Variants in GRIP1 observed in about 807,000 individuals in gnomAD.
GRIP1 encodes glutamate receptor interacting protein 1.
Under a neutral mutation model 129.9 loss-of-function variants are expected in GRIP1, and 45 were observed. That is an observed-to-expected ratio of 0.35 (90% CI 0.27 to 0.44). The LOEUF (loss-of-function observed/expected upper bound fraction) is 0.44, where lower values mean the gene tolerates loss of function less well. Among genes scored for constraint, GRIP1 ranks in the 20% least tolerant of loss-of-function variants. GRIP1 has a pLI of 1.00. For missense variants in GRIP1, 1,196 were observed against 1,396.8 expected, an observed-to-expected ratio of 0.86 and a Z score of 2.29; for synonymous variants, 530 against 520.8, an observed-to-expected ratio of 1.02 and a Z score of -0.24.
intron 15 of GRIP1, among the ~76,000 whole-genome samples, chr12:66,418,111 T>C (rs1450680272): frequency 6.6e-6 from 1 of 152,048 alleles, no homozygotes; most frequent in African/African-American, 2.4e-5. Context: ...TGGAACAGAA[T>C]AGAGAACCCA....
intron 1 of GRIP1, among the ~76,000 whole-genome samples, chr12:66,963,875 C>T (rs2041958110): frequency 6.6e-6 from 1 of 152,150 alleles, no homozygotes; most frequent in South Asian, 2.1e-4. Flanking sequence ...TACCTCCAAC[C>T]CAGACCCAAA....
At chr12:66,889,116 A>T (rs565105085) in intron 1 of GRIP1, among the ~76,000 whole-genome samples, 1 of 152,216 alleles carries the variant, frequency 6.6e-6, no homozygotes, top group African/African-American at 2.4e-5. Context: ...TCTCTATTGT[A>T]AGTCTAGTTG....
At chr12:66,503,621 C>A (rs540348030) in intron 7 of GRIP1, among the ~76,000 whole-genome samples, 1 of 152,160 alleles carries the variant, frequency 6.6e-6, no homozygotes, top group African/African-American at 2.4e-5. Context: ...AGGCAAGAAT[C>A]GAGGTTGCTG....
intron 1 of GRIP1, among the ~76,000 whole-genome samples, chr12:66,677,515 A>T (rs1294257101): frequency 6.6e-6 from 1 of 152,208 alleles, no homozygotes; most frequent in Non-Finnish European, 1.5e-5. Flanking sequence ...TCTCTTAGTC[A>T]TGATTTATAA....
chr12:66,380,969 A>G (rs577163024), intron 19 of GRIP1, among the ~76,000 whole-genome samples: 2 of 152,328 alleles, frequency 1.3e-5, no homozygotes, highest in East Asian at 3.9e-4. Context: ...TGATTGCGTA[A>G]GATGATTCTG....
chr12:66,378,325 G>C (rs2055914744), intron 20 of GRIP1, among the ~76,000 whole-genome samples: 1 of 152,186 alleles, frequency 6.6e-6, no homozygotes, highest in African/African-American at 2.4e-5. Context: ...GTTGGCAGGT[G>C]CCTGCAGTCC....
chr12:66,935,639 T>C (rs1446524266), intron 1 of GRIP1, among the ~76,000 whole-genome samples: 1 of 152,132 alleles, frequency 6.6e-6, no homozygotes, highest in Non-Finnish European at 1.5e-5. Context: ...GATTCACAAA[T>C]TGGGCAGCCC....
At position 66,465,423 on chromosome 12, in the gene GRIP1, C is replaced by T; in HGVS notation, c.725-1G>A. On this transcript the variant is annotated splice_acceptor_variant, in intron 7 of 24. Transcript: ENST00000359742. LOFTEE classifies it high-confidence loss of function. ...GGCCCGGATGCTGTTGCCACAGAGT[C>T]TGTCAAAGAACAAATTTTAGAAAAC... 1 of 1,613,122 alleles carries T rather than the reference C, an allele frequency of 6.2e-7. No individual in the cohort carries two copies. Among genetic ancestry groups the T allele is most frequent in the Non-Finnish European group, 8.5e-7 (1 of 1,179,116 alleles).
At chr12:66,411,336 C>T (rs1313626972) in intron 15 of GRIP1, among the ~76,000 whole-genome samples, 7 of 152,122 alleles carry the variant, frequency 4.6e-5, no homozygotes. Context: ...GGGATCCAGG[C>T]TTGGGGTCTG....
chr12:66,397,110 C>CAAAAAA (rs71436004), intron 16 of GRIP1, among the ~76,000 whole-genome samples: 14 of 60,166 alleles, frequency 2.3e-4, no homozygotes, highest in Non-Finnish European at 2.8e-4. Context: ...GACTCTGTCT[C>CAAAAAA]AAAAAAAAAA....
At chr12:66,678,486 A>G (rs1361671056) in intron 1 of GRIP1, among the ~76,000 whole-genome samples, 1 of 152,186 alleles carries the variant, frequency 6.6e-6, no homozygotes, top group Non-Finnish European at 1.5e-5. Context: ...TATGTATCAT[A>G]GAAAGGACAG....
chr12:66,956,811 C>T (rs915352055), intron 1 of GRIP1, among the ~76,000 whole-genome samples: 5 of 152,130 alleles, frequency 3.3e-5, no homozygotes, highest in African/African-American at 9.7e-5. Context: ...AAGGCCCCCT[C>T]GGCATACAGA....
intron 1 of GRIP1, among the ~76,000 whole-genome samples, chr12:66,944,354 C>CT (rs1302375705): frequency 6.6e-6 from 1 of 152,140 alleles, no homozygotes; most frequent in Non-Finnish European, 1.5e-5. Flanking sequence ...TACAAAAAGT[C>CT]TATCTTTTCA....
intron 1 of GRIP1, among the ~76,000 whole-genome samples, chr12:66,955,370 C>T (rs73333072): frequency 0.013 from 2,051 of 152,226 alleles, 37 homozygotes; most frequent in African/African-American, 0.047. Flanking sequence ...CTTTCTATCT[C>T]TAAAACTCCA....
intron 1 of GRIP1, among the ~76,000 whole-genome samples, chr12:66,675,200 G>A (rs556955713): frequency 6.6e-6 from 1 of 152,214 alleles, no homozygotes; most frequent in East Asian, 1.9e-4. Context: ...AGAGAGAGAG[G>A]GTGGGTGGCA....
At position 66,447,667 on chromosome 12, in the gene GRIP1, C is replaced by G. The variant is rs147198620; in HGVS notation, c.1355-2159G>C. 3.7e-3 allele frequency among the ~76,000 whole-genome samples: 570 copies of G among 152,030 alleles called. 3 individuals carry two copies. Among genetic ancestry groups the G allele is most frequent in the African/African-American group, 0.013 (541 of 41,440 alleles). ...CCCTTTTAGTGTTTTTAATACTATCCCTTTCCACCCCCCATGATTTTGTGC... is the reference window on the plus strand; with the variant it reads ...CCCTTTTAGTGTTTTTAATACTATCGCTTTCCACCCCCCATGATTTTGTGC... On this transcript the variant is annotated intron_variant, in intron 11 of 24. Coordinates refer to ENST00000359742, the MANE Select transcript of GRIP1 (RefSeq NM_001366722.1).
chr12:66,551,015 T>C (rs12424551), intron 2 of GRIP1, among the ~76,000 whole-genome samples: 35,214 of 152,216 alleles, frequency 0.23, 4,356 homozygotes, highest in Admixed American at 0.27. Context: ...AAAATCACAT[T>C]GTTGACATGA....
At chr12:66,702,129 G>A (rs940618182) in intron 1 of GRIP1, among the ~76,000 whole-genome samples, 19 of 152,248 alleles carry the variant, frequency 1.2e-4, no homozygotes, top group African/African-American at 4.6e-4. Flanking sequence ...TATTATTTCT[G>A]CCATTTTAAT....
At chr12:66,970,248 ATCT>A (rs1449659543) in intron 1 of GRIP1, among the ~76,000 whole-genome samples, 7 of 152,198 alleles carry the variant, frequency 4.6e-5, no homozygotes, top group South Asian at 2.1e-4. Context: ...TGCCAGGCTA[ATCT>A]TCTTATTTTT....
Sources: allele counts gnomAD v4.1 joint callset (sites outside exome capture counted in the v4.1 genomes callset), GRCh38; gene constraint gnomAD v4.1.1; transcripts MANE v1.5; gene names NCBI Gene and HGNC (gene_info 2026-07-23, HGNC 2026-07-21).